KCNMA1: variants seen among roughly 807,000 people sequenced by gnomAD.
KCNMA1 encodes Calcium-activated potassium channel subunit alpha-1.
A neutral mutation model predicts 140.0 loss-of-function variants in KCNMA1; 29 were observed. The ratio of observed to expected loss-of-function variants is 0.21; its 90% CI spans 0.15 to 0.28. The LOEUF is 0.28. Ranked by LOEUF, KCNMA1 falls within the 10% of genes least tolerant of loss-of-function variation. The pLI is 1.00. For missense variants in KCNMA1, 880 were observed against 1,602.2 expected (o/e 0.55, Z 7.70); for synonymous variants, 612 against 611.9 (o/e 1.00, Z 0.00).
chr10:77,205,347 C>G (rs1383665368), intron 3 of KCNMA1, among the ~76,000 whole-genome samples: 1 of 152,134 alleles, frequency 6.6e-6, no homozygotes, highest in Non-Finnish European at 1.5e-5. Flanking sequence ...AGGAAGTCAG[C>G]TCATGTTTCT....
rs141033730 is a variant in KCNMA1, at chr10:77,547,476, C to G, written c.378+89789G>C. Among the ~76,000 whole-genome samples the G allele has an allele frequency of 6.6e-5, 10 of 152,310 alleles. No individual in the cohort carries two copies. The East Asian group carries it at 1.9e-3, about 29-fold the overall frequency. On this transcript the variant is annotated intron_variant, in intron 1 of 27. Coordinates refer to ENST00000286628, the MANE Select transcript of KCNMA1 (RefSeq NM_001161352.2). ...GAGGGAGGGCATACAGAGCCAAGAACCCAAGTGTCTGAGCTTTTACAGTAA... is the reference window on the plus strand; with the variant it reads ...GAGGGAGGGCATACAGAGCCAAGAAGCCAAGTGTCTGAGCTTTTACAGTAA...
chr10:77,087,090 A>G (rs2096709327), intron 10 of KCNMA1, among the ~76,000 whole-genome samples: 1 of 152,122 alleles, frequency 6.6e-6, no homozygotes, highest in African/African-American at 2.4e-5. Flanking sequence ...GAGAACAATA[A>G]AACAGAGGAC....
chr10:76,965,550 A>G (rs2073568389), intron 20 of KCNMA1, among the ~76,000 whole-genome samples: 1 of 152,004 alleles, frequency 6.6e-6, no homozygotes, highest in Admixed American at 6.6e-5. Context: ...GACAAGCAAA[A>G]CCTTCATGAC....
At chr10:77,440,596 T>C (rs2097373926) in intron 1 of KCNMA1, among the ~76,000 whole-genome samples, 1 of 152,178 alleles carries the variant, frequency 6.6e-6, no homozygotes, top group Non-Finnish European at 1.5e-5. Context: ...GTGGGAAAGA[T>C]GCTGCCAGGG....
chr10:77,318,592 A>G (rs1386510610), intron 2 of KCNMA1, among the ~76,000 whole-genome samples: 2 of 152,218 alleles, frequency 1.3e-5, no homozygotes, highest in African/African-American at 4.8e-5. Context: ...CTCTTGACAT[A>G]GAACCAAGCA....
chr10:76,993,366 A>G (rs371363221), intron 19 of KCNMA1, among the ~76,000 whole-genome samples: 8 of 152,332 alleles, frequency 5.3e-5, no homozygotes, highest in South Asian at 2.1e-4. Context: ...ATCTTCCTCC[A>G]ATAAGAAGGA....
chr10:77,312,204 G>A (rs1307351754), intron 2 of KCNMA1, among the ~76,000 whole-genome samples: 1 of 152,234 alleles, frequency 6.6e-6, no homozygotes, highest in African/African-American at 2.4e-5. Flanking sequence ...ACAGCAGCCA[G>A]GAGCCATGGA....
intron 5 of KCNMA1, among the ~76,000 whole-genome samples, chr10:77,129,464 C>T (rs1046341573): frequency 1.3e-4 from 20 of 152,066 alleles, no homozygotes; most frequent in African/African-American, 4.8e-4. Flanking sequence ...CGAGTAATCA[C>T]TTGAGTAATT....
chr10:77,079,400 G>GTGTT, intron 13 of KCNMA1, 81 bp downstream of exon 13: 1 of 792,504 alleles, frequency 1.3e-6, no homozygotes, highest in Non-Finnish European at 2.3e-6. Flanking sequence ...GTGTGTGTGT[G>GTGTT]TGTGAGCCTG....
chr10:76,917,071 C>T (rs1394741429), intron 23 of KCNMA1, among the ~76,000 whole-genome samples: 1 of 152,172 alleles, frequency 6.6e-6, no homozygotes, highest in Non-Finnish European at 1.5e-5. Flanking sequence ...TAACCAAAAA[C>T]ACGCATTTTT....
At chr10:77,495,296 C>T (rs777514083) in intron 1 of KCNMA1, among the ~76,000 whole-genome samples, 5 of 152,194 alleles carry the variant, frequency 3.3e-5, no homozygotes, top group South Asian at 2.1e-4. Context: ...TGTGGCCTCC[C>T]GCCTGCACTG....
At chr10:77,152,431 G>A (rs935558618) in intron 5 of KCNMA1, among the ~76,000 whole-genome samples, 5 of 152,112 alleles carry the variant, frequency 3.3e-5, no homozygotes, top group Non-Finnish European at 5.9e-5. Context: ...GGAAACACCA[G>A]TAAGGGAACA....
chr10:76,919,598 TTGTTAACAGCATG>T (rs2054467391), intron 23 of KCNMA1, among the ~76,000 whole-genome samples: 1 of 152,106 alleles, frequency 6.6e-6, no homozygotes, highest in Non-Finnish European at 1.5e-5. Context: ...TAGAATGAAA[TTGTTAACAGCATG>T]GGCTGTAAAG....
At chr10:77,555,158 G>A (rs562620496) in intron 1 of KCNMA1, among the ~76,000 whole-genome samples, 1 of 152,178 alleles carries the variant, frequency 6.6e-6, no homozygotes, top group East Asian at 1.9e-4. Context: ...GAGGTGGGCT[G>A]GGGAGCTGGG....
At chr10:77,606,246 A>G (rs2084467014) in intron 1 of KCNMA1, among the ~76,000 whole-genome samples, 2 of 152,098 alleles carry the variant, frequency 1.3e-5, no homozygotes. Context: ...GACCTGTGGG[A>G]CTAAAAGGAG....
chr10:77,539,830 G>A (rs1372862671), intron 1 of KCNMA1, among the ~76,000 whole-genome samples: 1 of 152,136 alleles, frequency 6.6e-6, no homozygotes, highest in Non-Finnish European at 1.5e-5. Context: ...TTGCATTGCT[G>A]GGGAAGCAGT....
chr10:77,104,385 C>T (rs2097160279), intron 9 of KCNMA1, among the ~76,000 whole-genome samples: 1 of 152,188 alleles, frequency 6.6e-6, no homozygotes, highest in Non-Finnish European at 1.5e-5. Context: ...TTCCCCAAAC[C>T]AGAATGGCGG....
Position 77,425,265 on chromosome 10 carries a change from C to G in KCNMA1, c.379-21242G>C, listed in dbSNP as rs969299686. ...TTGTAGTCACTCCAAATCTTGGTTACCCTCACCTGAATTTTCTCTTTTGGG... is the reference window on the plus strand; with the variant it reads ...TTGTAGTCACTCCAAATCTTGGTTAGCCTCACCTGAATTTTCTCTTTTGGG... On this transcript the variant is annotated intron_variant, in intron 1 of 27. Transcript: ENST00000286628. Among the ~76,000 whole-genome samples, 4 of 152,188 alleles carry G rather than the reference C, an allele frequency of 2.6e-5. No homozygotes were observed. In the East Asian group the frequency reaches 7.7e-4, roughly 29 times the overall value.
At chr10:77,599,996 A>G (rs2082126634) in intron 1 of KCNMA1, among the ~76,000 whole-genome samples, 1 of 152,194 alleles carries the variant, frequency 6.6e-6, no homozygotes, top group Admixed American at 6.5e-5. Context: ...GTCACAAGAG[A>G]AAGCTCACTG....
Sources: allele counts gnomAD v4.1 joint callset (sites outside exome capture counted in the v4.1 genomes callset), GRCh38; gene constraint gnomAD v4.1.1; transcripts MANE v1.5; gene names NCBI Gene and HGNC (gene_info 2026-07-23, HGNC 2026-07-21).